The following PLD1 variants were observed in gnomAD, a reference collection of about 807,000 sequenced individuals.
PLD1 encodes phospholipase D1, also known as choline phosphatase 1.
PLD1 carries 112 observed loss-of-function variants against 137.1 expected under a neutral mutation model. The ratio of observed to expected loss-of-function variants is 0.82; its 90% CI spans 0.70 to 0.96. The LOEUF (loss-of-function observed/expected upper bound fraction) is 0.96. Ranked by LOEUF, PLD1 falls within the 40% of genes least tolerant of loss-of-function variation. PLD1 has a pLI of 0.00. For synonymous variants in PLD1, 431 were observed against 454.7 expected (o/e 0.95, Z 0.66); for missense variants, 1,321 against 1,342.0 (o/e 0.98, Z 0.24).
chr3:171,705,843 T>C (rs1217242932), intron 11 of PLD1, among the ~76,000 whole-genome samples: 1 of 152,196 alleles, frequency 6.6e-6, no homozygotes, highest in African/African-American at 2.4e-5. Context: ...AAGATAGGTG[T>C]CAACAAACTA....
At chr3:171,635,753 A>G (rs1735048798) in intron 23 of PLD1, among the ~76,000 whole-genome samples, 1 of 151,956 alleles carries the variant, frequency 6.6e-6, no homozygotes, top group Non-Finnish European at 1.5e-5. Context: ...TTGGAGCACA[A>G]AGGCTTTCAA....
chr3:171,758,930 C>T (rs1721213274), intron 1 of PLD1, among the ~76,000 whole-genome samples: 1 of 152,144 alleles, frequency 6.6e-6, no homozygotes, highest in South Asian at 2.1e-4. Context: ...TATCATGTAG[C>T]AAATAAAAAT....
intron 19 of PLD1, among the ~76,000 whole-genome samples, chr3:171,668,423 C>T (rs910493238): frequency 7.2e-5 from 11 of 152,228 alleles, no homozygotes; most frequent in Admixed American, 5.9e-4. Flanking sequence ...GCTGTCCTTT[C>T]AGATCTAACA....
chr3:171,800,499 G>A (rs533647276), intron 1 of PLD1, among the ~76,000 whole-genome samples: 30 of 152,246 alleles, frequency 2.0e-4, no homozygotes, highest in Middle Eastern at 6.8e-3. Context: ...ATGAACCACC[G>A]TGCCTGGCCC....
chr3:171,768,928 G>C (rs1469130711), intron 1 of PLD1, among the ~76,000 whole-genome samples: 1 of 152,162 alleles, frequency 6.6e-6, no homozygotes, highest in East Asian at 1.9e-4. Context: ...TTAGCCAAAA[G>C]ACCCAGATAT....
rs1166689307 is a variant in PLD1, at chr3:171,616,123, T to G, written c.2729-3691A>C. Among the ~76,000 whole-genome samples the G allele has an allele frequency of 2.6e-5, 4 of 152,366 alleles. No homozygotes were observed. The East Asian group carries it at 7.7e-4, about 29-fold the overall frequency. ...TGAGGCTTGGGTATGTTCTTTTTGA[T>G]GAAGTTCCTATACAATTTCTTTGCC... On this transcript the variant is annotated intron_variant, in intron 24 of 26. Coordinates refer to ENST00000351298, the MANE Select transcript of PLD1 (RefSeq NM_002662.5).
chr3:171,658,038 C>A (rs1737358586), intron 21 of PLD1, among the ~76,000 whole-genome samples: 1 of 151,700 alleles, frequency 6.6e-6, no homozygotes. Context: ...ACACAAATGG[C>A]CAATAAGCAC....
intron 21 of PLD1, among the ~76,000 whole-genome samples, chr3:171,654,971 A>G (rs1378635847): frequency 1.3e-5 from 2 of 152,120 alleles, no homozygotes; most frequent in East Asian, 1.9e-4. Flanking sequence ...GAAATTGCTT[A>G]GGGGAATTGT....
chr3:171,777,395 AG>A (rs1295707136), intron 1 of PLD1, among the ~76,000 whole-genome samples: 1 of 152,210 alleles, frequency 6.6e-6, no homozygotes, highest in African/African-American at 2.4e-5. Context: ...CTTGCGTGTA[AG>A]GGAAGAGGGA....
rs1239752522 is a variant in PLD1 at position 171,601,878 on chromosome 3, G to A, written c.*1200C>T. 3 of 152,174 alleles carry A rather than the reference G, an allele frequency of 2.0e-5. No individual in the cohort carries two copies. The highest frequency in any genetic ancestry group is 7.2e-5 in the African/African-American group (3 of 41,448). 9.4% of individuals were successfully genotyped at this position (152,174 alleles called of 1,614,324 possible). A position where few individuals can be genotyped will look rare whatever the true frequency, so the allele number is the denominator to read the frequency against. On this transcript the variant is annotated 3_prime_UTR_variant, in exon 27 of 27. Coordinates refer to ENST00000351298, the MANE Select transcript of PLD1 (RefSeq NM_002662.5). ...TCTAACATCCGAAAAGGAAAAACAC[G>A]TTTCCAGACTAATTCACAGACTAGG...
chr3:171,698,923 C>A (rs1330219188), intron 12 of PLD1, among the ~76,000 whole-genome samples: 1 of 149,160 alleles, frequency 6.7e-6, no homozygotes, highest in East Asian at 2.0e-4. Flanking sequence ...TTGCAGTGAG[C>A]CGAGACTGCA....
intron 16 of PLD1, 101 bp from the exon 17 acceptor site, chr3:171,677,795 T>A (rs1488370852): frequency 8.7e-7 from 1 of 1,153,996 alleles, no homozygotes; most frequent in Admixed American, 2.3e-5. Context: ...CTTCTTAATT[T>A]CTTAAGACAC....
chr3:171,607,891 G>A (rs9821786), intron 25 of PLD1, among the ~76,000 whole-genome samples: 2 of 151,860 alleles, frequency 1.3e-5, no homozygotes, highest in Admixed American at 6.6e-5. Flanking sequence ...ATTTCACATT[G>A]AAATAAGTCT....
chr3:171,747,798 G>A (rs1055173804), intron 1 of PLD1, among the ~76,000 whole-genome samples: 4 of 152,096 alleles, frequency 2.6e-5, no homozygotes, highest in Non-Finnish European at 5.9e-5. Context: ...TTTTAAGCAA[G>A]GAAACTGAAG....
chr3:171,792,591 C>T (rs1270424978), intron 1 of PLD1: 1 of 456,732 alleles, frequency 2.2e-6, no homozygotes, highest in African/African-American at 2.0e-5. Context: ...CAGCCCCAGA[C>T]TGGCTGAGGC....
chr3:171,620,779 T>A (rs360408), intron 23 of PLD1, among the ~76,000 whole-genome samples: 71,460 of 127,842 alleles, frequency 0.56, 19,158 homozygotes, highest in Non-Finnish European at 0.57. Flanking sequence ...TTATATATAT[T>A]TTTTTTTTAA....
intron 23 of PLD1, among the ~76,000 whole-genome samples, chr3:171,625,088 C>A (rs1733977227): frequency 6.6e-6 from 1 of 152,064 alleles, no homozygotes; most frequent in Non-Finnish European, 1.5e-5. Flanking sequence ...CCTGAGAGTT[C>A]CCCTTCCTAG....
chr3:171,794,410 C>T (rs72622539), intron 1 of PLD1, among the ~76,000 whole-genome samples: 41,776 of 151,906 alleles, frequency 0.28, 6,305 homozygotes, highest in Admixed American at 0.35. Context: ...GGCATATCCC[C>T]CTTGGATGAG....
At chr3:171,611,603 AG>A in intron 25 of PLD1, 1 of 518,966 alleles carries the variant, frequency 1.9e-6, no homozygotes, top group Non-Finnish European at 3.8e-6. Flanking sequence ...GCCAAAGATC[AG>A]GGATCTTCGA....
Sources: allele counts gnomAD v4.1 joint callset (sites outside exome capture counted in the v4.1 genomes callset), GRCh38; gene constraint gnomAD v4.1.1; transcripts MANE v1.5; gene names NCBI Gene and HGNC (gene_info 2026-07-23, HGNC 2026-07-21).